The following PRKG1 variants were observed in gnomAD, a reference collection of about 807,000 sequenced individuals.
PRKG1 encodes protein kinase cGMP-dependent 1.
Under a neutral mutation model 88.1 loss-of-function variants are expected in PRKG1, and 35 were observed. The observed-to-expected ratio is 0.40, with a 90% confidence interval of 0.30 to 0.53. PRKG1 has a LOEUF of 0.53. Among genes scored for constraint, PRKG1 ranks in the 20% least tolerant of loss-of-function variants. The pLI, the probability that PRKG1 is intolerant of heterozygous loss-of-function variation, is 0.59. For synonymous variants in PRKG1, 303 were observed against 292.5 expected, an observed-to-expected ratio of 1.04 and a Z score of -0.37; for missense variants, 540 against 839.8, an observed-to-expected ratio of 0.64 and a Z score of 4.41.
At chr10:51,479,993 C>T (rs1840309077) in intron 3 of PRKG1, among the ~76,000 whole-genome samples, 1 of 144,322 alleles carries the variant, frequency 6.9e-6, no homozygotes, top group Admixed American at 7.0e-5. Flanking sequence ...AATTGCTCAG[C>T]AGAGCCATCT....
At position 51,107,195 on chromosome 10, in the gene PRKG1, C is replaced by T. The variant is rs560158139; in HGVS notation, c.311+32294C>T. On this transcript the variant is annotated intron_variant, in intron 1 of 17. Coordinates refer to ENST00000373980, the MANE Select transcript of PRKG1 (RefSeq NM_006258.4). ...GAACAAGCTTCGTGTACATGAGGGCCAGCAGGGCTAGAGCACAGTGAGTGA... is the reference window on the plus strand; with the variant it reads ...GAACAAGCTTCGTGTACATGAGGGCTAGCAGGGCTAGAGCACAGTGAGTGA... Among the ~76,000 whole-genome samples the T allele has an allele frequency of 8.5e-5, 13 of 152,180 alleles. No individual in the cohort carries two copies. The East Asian group carries it at 2.1e-3, about 25-fold the overall frequency.
intron 3 of PRKG1, among the ~76,000 whole-genome samples, chr10:51,649,932 C>T (rs1017189162): frequency 1.3e-5 from 2 of 152,146 alleles, no homozygotes; most frequent in African/African-American, 4.8e-5. Flanking sequence ...TGATTGGTTG[C>T]AAAACATTAA....
intron 1 of PRKG1, among the ~76,000 whole-genome samples, chr10:51,043,492 C>T (rs150933814): frequency 6.6e-6 from 1 of 152,212 alleles, no homozygotes; most frequent in East Asian, 1.9e-4. Context: ...CTTTTGGCTT[C>T]TATAGCATTA....
intron 1 of PRKG1, among the ~76,000 whole-genome samples, chr10:51,081,067 AAGCATACTACTCTCCAGCTTTTTTCAT>A (rs1844097070): frequency 6.6e-6 from 1 of 152,226 alleles, no homozygotes; most frequent in Admixed American, 6.5e-5. Flanking sequence ...TGAATTTTAT[AAGCATACTACTCTCCAGCTTTTTTCAT>A]TGCTTATAAA....
chr10:52,051,753 T>C (rs2133249223), intron 5 of PRKG1, among the ~76,000 whole-genome samples: 1 of 152,334 alleles, frequency 6.6e-6, no homozygotes, highest in South Asian at 2.1e-4. Context: ...GGCCTTTCCC[T>C]GGAGAAGCAG....
chr10:52,054,781 AT>A, intron 6 of PRKG1, among the ~76,000 whole-genome samples: 1 of 152,280 alleles, frequency 6.6e-6, no homozygotes, highest in African/African-American at 2.4e-5. Context: ...TAATCATAAT[AT>A]TAGATGACAC....
chr10:51,762,141 A>G (rs900063333), intron 3 of PRKG1, among the ~76,000 whole-genome samples: 1 of 152,220 alleles, frequency 6.6e-6, no homozygotes, highest in Non-Finnish European at 1.5e-5. Flanking sequence ...TCAGGGATTC[A>G]AATCCATGGT....
In PRKG1 at chr10:51,886,423, C is replaced by T. The variant is rs966269468; in HGVS notation, c.699-21084C>T. Among the ~76,000 whole-genome samples, 11 of 152,090 alleles carry T rather than the reference C, an allele frequency of 7.2e-5. No homozygotes were observed. The South Asian group carries it at 1.5e-3, about 20-fold the overall frequency. On this transcript the variant is annotated intron_variant, in intron 4 of 17. Transcript: ENST00000373980. ...ATTTATGCATGCACATTTTATTTTC[C>T]CTAGAATTAGAACAACCCAGATATT...
chr10:51,131,515 G>A (rs1845566278), intron 1 of PRKG1, among the ~76,000 whole-genome samples: 1 of 152,176 alleles, frequency 6.6e-6, no homozygotes, highest in Non-Finnish European at 1.5e-5. Context: ...GGGAAGCAGA[G>A]GTGGGCGGAT....
chr10:51,598,884 T>A (rs1838526267), intron 3 of PRKG1, among the ~76,000 whole-genome samples: 1 of 152,050 alleles, frequency 6.6e-6, no homozygotes, highest in African/African-American at 2.4e-5. Flanking sequence ...AGGAATAGGA[T>A]GGCTGTCATG....
chr10:51,067,334 A>G (rs940082050), intron 1 of PRKG1, among the ~76,000 whole-genome samples: 2 of 151,768 alleles, frequency 1.3e-5, no homozygotes, highest in African/African-American at 4.8e-5. Context: ...AAAGTAAACT[A>G]AAAAATAGAC....
intron 5 of PRKG1, among the ~76,000 whole-genome samples, chr10:52,029,948 C>T (rs181492940): frequency 1.2e-3 from 188 of 152,228 alleles, no homozygotes; most frequent in African/African-American, 4.4e-3. Context: ...GAACCCCATC[C>T]ACTTTTTAAA....
intron 1 of PRKG1, among the ~76,000 whole-genome samples, chr10:51,016,691 T>C (rs1225221198): frequency 7.6e-6 from 1 of 132,334 alleles, no homozygotes; most frequent in African/African-American, 2.9e-5. Context: ...TTTTTTTTTT[T>C]TGGAATCTTG....
chr10:51,701,569 C>T (rs184599971), intron 3 of PRKG1, among the ~76,000 whole-genome samples: 135 of 152,048 alleles, frequency 8.9e-4, no homozygotes, highest in Non-Finnish European at 1.2e-3. Flanking sequence ...TTATTGGGGA[C>T]GAAAGGGGAG....
chr10:51,417,912 T>A (rs1418036710), intron 2 of PRKG1, among the ~76,000 whole-genome samples: 1 of 152,174 alleles, frequency 6.6e-6, no homozygotes. Context: ...TTCAAAGGAA[T>A]CCCCACATAT....
rs1210225995 is a variant in PRKG1, at chr10:52,250,515, C to A, written c.1077-1055C>A. ...ATGGCTGATTCTATGCAAAAGTATACATAAATAGGCTGTGTTAGTATCATT... is the reference window on the plus strand; with the variant it reads ...ATGGCTGATTCTATGCAAAAGTATAAATAAATAGGCTGTGTTAGTATCATT... On this transcript the variant is annotated intron_variant, in intron 9 of 17. Coordinates refer to ENST00000373980, the MANE Select transcript of PRKG1 (RefSeq NM_006258.4). Among the ~76,000 whole-genome samples, 4 of 152,112 alleles carry A rather than the reference C, an allele frequency of 2.6e-5. No individual in the cohort carries two copies. The East Asian group carries it at 7.7e-4, about 29-fold the overall frequency.
intron 3 of PRKG1, among the ~76,000 whole-genome samples, chr10:51,767,341 C>A (rs972887662): frequency 2.5e-4 from 38 of 152,062 alleles, no homozygotes; most frequent in African/African-American, 9.2e-4. Context: ...TACTCTCTCT[C>A]TCTCTCTCTA....
intron 3 of PRKG1, among the ~76,000 whole-genome samples, chr10:51,495,528 C>A (rs948156456): frequency 6.6e-6 from 1 of 152,098 alleles, no homozygotes; most frequent in Admixed American, 6.6e-5. Flanking sequence ...CAAGGAAAGA[C>A]GCTATCACCT....
At chr10:52,055,767 T>C (rs1294422569) in intron 6 of PRKG1, among the ~76,000 whole-genome samples, 1 of 152,196 alleles carries the variant, frequency 6.6e-6, no homozygotes, top group African/African-American at 2.4e-5. Context: ...AGTTTCCGTT[T>C]TTATAATTAT....
Sources: allele counts gnomAD v4.1 joint callset (sites outside exome capture counted in the v4.1 genomes callset), GRCh38; gene constraint gnomAD v4.1.1; transcripts MANE v1.5; gene names NCBI Gene and HGNC (gene_info 2026-07-23, HGNC 2026-07-21).